FER1L6: variants seen among roughly 807,000 people sequenced by gnomAD.
FER1L6 encodes fer-1 like family member 6.
In FER1L6, 177 loss-of-function variants were observed where a neutral mutation model predicts 219.2. That is an observed-to-expected ratio of 0.81 (90% CI 0.71 to 0.91). FER1L6 has a LOEUF of 0.91. FER1L6 is among the 40% of genes least tolerant of loss of function. FER1L6 has a pLI of 0.00. For missense variants in FER1L6, 2,153 were observed against 2,259.9 expected, an observed-to-expected ratio of 0.95 and a Z score of 0.96; for synonymous variants, 768 against 824.3, an observed-to-expected ratio of 0.93 and a Z score of 1.17.
chr8:124,040,292 G>A lies in FER1L6; in HGVS notation c.2589+286G>A, dbSNP rs139017157. 86 of 411,072 alleles carry A rather than the reference G, an allele frequency of 2.1e-4. No homozygotes were observed. In the Middle Eastern group the frequency reaches 3.7e-3, roughly 18 times the overall value. 25.5% of individuals were successfully genotyped at this position (411,072 alleles called of 1,614,324 possible). On this transcript the variant is annotated intron_variant, in intron 20 of 40. Coordinates refer to ENST00000522917, the MANE Select transcript of FER1L6 (RefSeq NM_001039112.2). The stretch of plus-strand genomic sequence containing the variant: ...CGGAGAAGGCTAAAGTGCCAGGCAC[G>A]AGGCCAAGTGCAGTGGGGAAGGAGC...
intron 1 of FER1L6, among the ~76,000 whole-genome samples, chr8:123,866,540 A>AT (rs1020435882): frequency 6.6e-6 from 1 of 152,040 alleles, no homozygotes; most frequent in Non-Finnish European, 1.5e-5. Flanking sequence ...CAGTAATTCT[A>AT]TTTTTAGTGT....
chr8:123,974,735 A>G (rs1471531225), intron 7 of FER1L6, among the ~76,000 whole-genome samples: 1 of 151,710 alleles, frequency 6.6e-6, no homozygotes, highest in Non-Finnish European at 1.5e-5. Context: ...AAAAGCCGGA[A>G]GTCTAGATTA....
intron 20 of FER1L6, among the ~76,000 whole-genome samples, chr8:124,043,642 C>T (rs968127891): frequency 2.0e-5 from 3 of 152,160 alleles, no homozygotes; most frequent in South Asian, 2.1e-4. Context: ...AATGGAAGAG[C>T]GTGGATTTCG....
At chr8:123,942,436 T>C (rs2130001435) in intron 1 of FER1L6, among the ~76,000 whole-genome samples, 1 of 152,366 alleles carries the variant, frequency 6.6e-6, no homozygotes, top group South Asian at 2.1e-4. Context: ...ATTCCTTTCC[T>C]GGGACTGCCT....
chr8:124,084,169 AGTTT>A (rs1821693351), intron 33 of FER1L6, among the ~76,000 whole-genome samples: 2 of 148,768 alleles, frequency 1.3e-5, no homozygotes, highest in South Asian at 4.2e-4. Flanking sequence ...TGGAATCTTT[AGTTT>A]TTTTTTTTTT....
chr8:124,006,099 C>T (rs936153865), intron 13 of FER1L6, among the ~76,000 whole-genome samples: 1 of 152,200 alleles, frequency 6.6e-6, no homozygotes, highest in Non-Finnish European at 1.5e-5. Context: ...CTGAGGCCAT[C>T]AGTGAGGGAA....
At chr8:123,878,125 A>G (rs750819979) in intron 1 of FER1L6, among the ~76,000 whole-genome samples, 6 of 152,162 alleles carry the variant, frequency 3.9e-5, no homozygotes, top group Non-Finnish European at 8.8e-5. Flanking sequence ...AACAGCTGGA[A>G]GAAGGGGGCA....
chr8:124,080,067 CAT>C (rs1821471072), intron 32 of FER1L6, among the ~76,000 whole-genome samples: 1 of 152,152 alleles, frequency 6.6e-6, no homozygotes, highest in Non-Finnish European at 1.5e-5. Context: ...ATAGTAGACA[CAT>C]AATAAATGCT....
At chr8:123,908,291 G>A (rs549464516) in intron 1 of FER1L6, among the ~76,000 whole-genome samples, 10 of 152,210 alleles carry the variant, frequency 6.6e-5, no homozygotes, top group Non-Finnish European at 1.5e-4. Flanking sequence ...ACCTGGGGGT[G>A]AAGACTGGGT....
Position 124,010,598 on chromosome 8 carries a change from T to G in FER1L6, c.1705T>G (p.Tyr569Asp). The G allele has an allele frequency of 6.2e-7, 1 of 1,613,790 alleles. No individual in the cohort carries two copies. The change falls in exon 14 of 41, where the codon TAC (tyrosine) becomes GAC (aspartate). Residue 569 changes from tyrosine (Y) to aspartate (D), a missense_variant. Transcript: ENST00000522917. ...CAGACCTAATTGTTTTCACAGGAAT[T>G]ACAACTATTTGCCATTTGAGGCTAA... ...KPLVTEGNRN[Y>D]NYLPFEAKKP... is the part of the protein sequence containing the mutation.
chr8:123,914,819 T>G (rs1586460125), intron 1 of FER1L6, among the ~76,000 whole-genome samples: 1 of 152,308 alleles, frequency 6.6e-6, no homozygotes, highest in African/African-American at 2.4e-5. Context: ...TAAGAAAAAG[T>G]GGGCCAGGAG....
intron 39 of FER1L6, among the ~76,000 whole-genome samples, chr8:124,109,932 G>T (rs577171307): frequency 2.0e-5 from 3 of 152,286 alleles, no homozygotes; most frequent in Admixed American, 1.3e-4. Flanking sequence ...AACAGCAGTG[G>T]TCAGACCACA....
At chr8:124,063,533 C>G (rs903359073) in intron 25 of FER1L6, among the ~76,000 whole-genome samples, 3 of 152,214 alleles carry the variant, frequency 2.0e-5, no homozygotes, top group Non-Finnish European at 4.4e-5. Flanking sequence ...GTCTACTAAC[C>G]TATCATTCGT....
At chr8:124,107,826 G>A (rs1488923580) in intron 39 of FER1L6, among the ~76,000 whole-genome samples, 1 of 152,106 alleles carries the variant, frequency 6.6e-6, no homozygotes, top group Non-Finnish European at 1.5e-5. Flanking sequence ...AGAACTAACA[G>A]AGCCACTAAG....
intron 1 of FER1L6, among the ~76,000 whole-genome samples, chr8:123,904,971 C>G (rs1445739066): frequency 6.6e-6 from 1 of 152,214 alleles, no homozygotes; most frequent in East Asian, 1.9e-4. Context: ...TGCTACAACT[C>G]AGGACTTTTT....
At chr8:123,904,116 T>C (rs1457618458) in intron 1 of FER1L6, among the ~76,000 whole-genome samples, 1 of 152,132 alleles carries the variant, frequency 6.6e-6, no homozygotes, top group Non-Finnish European at 1.5e-5. Context: ...AAGGGTGTGA[T>C]TGGCTTTAGG....
At position 124,118,905 on chromosome 8, in the gene FER1L6, GA is replaced by G; in HGVS notation, c.5355del (p.Ala1786ProfsTer22). 1 of 1,613,930 alleles carries G rather than the reference GA, an allele frequency of 6.2e-7. No homozygotes were observed. The highest frequency in any genetic ancestry group is 8.5e-7 in the Non-Finnish European group (1 of 1,179,936). ...TAEEAEKNPVGKARKEPEPLA... is the reference protein window; with the variant it reads ...TAEEAEKNPVXKARKEPEPLA... Reference sequence around the variant, plus strand: ...GAAGAAGCTGAGAAAAATCCTGTTGGAAAAGCCCGAAAGGAGCCAGAGCCCC... The same window carrying G: ...GAAGAAGCTGAGAAAAATCCTGTTGGAAAGCCCGAAAGGAGCCAGAGCCCC... On this transcript the variant is annotated frameshift_variant, in exon 40 of 41. Transcript: ENST00000522917. LOFTEE classifies it high-confidence loss of function.
intron 37 of FER1L6, among the ~76,000 whole-genome samples, chr8:124,098,959 C>A (rs911154389): frequency 6.6e-6 from 1 of 152,152 alleles, no homozygotes; most frequent in Non-Finnish European, 1.5e-5. Context: ...GTCCTTATTG[C>A]ATTTGTCTGA....
At position 123,977,450 on chromosome 8, in the gene FER1L6, C is replaced by T. The variant is rs1376898140; in HGVS notation, c.904C>T (p.Pro302Ser). Residue 302 changes from proline to serine, a missense_variant, in exon 10 of 41, where the codon CCT becomes TCT. Pro to Ser is a moderately conservative substitution (Grantham distance 74). Transcript: ENST00000522917. Reference sequence around the variant, plus strand: ...CACAGTGCAGAAGAACTGTGCTGATCCTGTGTGGCATGAACAGGTGATCTT... The same window carrying T: ...CACAGTGCAGAAGAACTGTGCTGATTCTGTGTGGCATGAACAGGTGATCTT... ...RTTVQKNCAD[P>S]VWHEQVIFKE... 1.2e-6 allele frequency: 2 copies of T among 1,614,084 alleles called. No homozygotes were observed. The highest frequency in any genetic ancestry group is 8.5e-7 in the Non-Finnish European group (1 of 1,179,996).
Sources: gnomAD v4.1 joint callset for allele counts (sites outside exome capture counted in the v4.1 genomes callset) on GRCh38, gnomAD v4.1.1 for gene constraint, MANE v1.5 for transcripts, NCBI Gene and HGNC (gene_info 2026-07-23, HGNC 2026-07-21) for gene names.